Variants in TDRD15 observed in about 807,000 individuals in gnomAD.
TDRD15 encodes the protein tudor domain-containing protein 15.
For synonymous variants in TDRD15, 503 were observed against 314.5 expected (o/e 1.60, Z -6.34); for missense variants, 1,416 against 904.7 (o/e 1.57, Z -7.25).
At chr2:21,126,443 C>G (rs753383777) in intron 1 of TDRD15, among the ~76,000 whole-genome samples, 3 of 151,830 alleles carry the variant, frequency 2.0e-5, no homozygotes, top group Non-Finnish European at 4.4e-5. Flanking sequence ...CTCGTCTCGC[C>G]GCAATCTCTG....
chr2:21,135,581 AT>A (rs1249171891), intron 3 of TDRD15, among the ~76,000 whole-genome samples: 1 of 152,034 alleles, frequency 6.6e-6, no homozygotes, highest in Middle Eastern at 3.2e-3. Flanking sequence ...ACTATTAGCC[AT>A]TGCATATTAA....
rs1296861586 is a variant in TDRD15 at position 21,141,618 on chromosome 2, C to T, written c.4151C>T (p.Ala1384Val). The change falls in exon 4 of 4, where the codon GCA (alanine) becomes GTA (valine). Residue 1384 changes from alanine (A) to valine (V), a missense_variant. Transcript: ENST00000405799. ...EVEFIDYGNS[A>V]IVNTSKIYEL... Reference sequence around the variant, plus strand: ...GAATTTATTGACTATGGTAACTCTGCAATAGTAAACACATCTAAAATTTAC... The same window carrying T: ...GAATTTATTGACTATGGTAACTCTGTAATAGTAAACACATCTAAAATTTAC... 1 of 713,566 alleles carries T rather than the reference C, an allele frequency of 1.4e-6. No homozygotes were observed. The highest frequency in any genetic ancestry group is 1.5e-5 in the South Asian group (1 of 66,998). The allele number at this position is 713,566 out of a possible 1,614,324, so 44.2% of individuals were successfully genotyped here. A position where few individuals can be genotyped will look rare whatever the true frequency, so the allele number is the denominator to read the frequency against.
At chr2:21,146,864 C>T (rs1204799092), downstream of TDRD15, among the ~76,000 whole-genome samples, 1 of 152,054 alleles carries the variant, frequency 6.6e-6, no homozygotes, top group East Asian at 1.9e-4. Context: ...GACTCGCTTG[C>T]ATTGGATGGT....
In TDRD15 at chr2:21,141,653, A is replaced by G. The variant is rs1282281740; in HGVS notation, c.4186A>G (p.Arg1396Gly). The change falls in exon 4 of 4, where the codon AGG (arginine) becomes GGG (glycine). Residue 1396 changes from arginine (R) to glycine (G), a missense_variant. By Grantham distance (125) the Arg-to-Gly change is moderately radical. Coordinates refer to ENST00000405799, the MANE Select transcript of TDRD15 (RefSeq NM_001306137.2). ...VNTSKIYELQ[R>G]EFLTVPQLGI... ...CACATCTAAAATTTACGAACTTCAG[A>G]GGGAATTTTTAACTGTTCCTCAGCT... The G allele has an allele frequency of 5.6e-6, 4 of 715,036 alleles. No individual in the cohort carries two copies. The South Asian group carries it at 5.9e-5, about 11-fold the overall frequency. 44.3% of individuals were successfully genotyped at this position (715,036 alleles called of 1,614,324 possible).
rs755928526 is a variant in TDRD15 at position 21,141,545 on chromosome 2, T to C, written c.4078T>C (p.Tyr1360His). 10 of 714,998 alleles carry C rather than the reference T, an allele frequency of 1.4e-5. 1 individual carries two copies. In the South Asian group the frequency reaches 1.5e-4, roughly 11 times the overall value. 44.3% of individuals were successfully genotyped at this position (714,998 alleles called of 1,614,324 possible). A position where few individuals can be genotyped will look rare whatever the true frequency, so the allele number is the denominator to read the frequency against. Residue 1360 changes from tyrosine to histidine, a missense_variant, in exon 4 of 4, where the codon TAC (tyrosine) becomes CAC (histidine). Physicochemically the swap from Tyr to His is moderately conservative, Grantham distance 83. Coordinates refer to ENST00000405799, the MANE Select transcript of TDRD15 (RefSeq NM_001306137.2). ...VAEYSGDNAI[Y>H]RAVIKKILPG... ...AGAATATTCTGGTGACAATGCCATTTACAGGGCAGTTATTAAGAAAATTTT... is the reference window on the plus strand; with the variant it reads ...AGAATATTCTGGTGACAATGCCATTCACAGGGCAGTTATTAAGAAAATTTT...
At position 21,139,090 on chromosome 2, in the gene TDRD15, A is replaced by G. The variant is rs1241249633; in HGVS notation, c.1623A>G (p.Arg541=). The G allele has an allele frequency of 1.4e-6, 1 of 715,482 alleles. No individual in the cohort carries two copies. The allele number at this position is 715,482 out of a possible 1,614,324, so 44.3% of individuals were successfully genotyped here. The change falls in exon 4 of 4, where the codon AGA becomes AGG. Residue 541 remains arginine, a synonymous_variant. Coordinates refer to ENST00000405799, the MANE Select transcript of TDRD15 (RefSeq NM_001306137.2). ...KPEPGLFCCA[R]YSKDRRFYRA... is the part of the protein sequence containing the mutation. The stretch of plus-strand genomic sequence containing the variant: ...AACCTGGATTATTTTGTTGTGCTAG[A>G]TATAGCAAGGACAGACGTTTTTACA...
At chr2:21,146,135 A>G (rs574531124), downstream of TDRD15, among the ~76,000 whole-genome samples, 23 of 152,156 alleles carry the variant, frequency 1.5e-4, no homozygotes, top group African/African-American at 5.5e-4. Flanking sequence ...GTGAGAAAAA[A>G]TAATTTTAGG....
intron 1 of TDRD15, among the ~76,000 whole-genome samples, chr2:21,125,237 G>T (rs553833072): frequency 2.0e-5 from 3 of 150,684 alleles, no homozygotes; most frequent in Non-Finnish European, 4.4e-5. Flanking sequence ...AGATCCCAAT[G>T]CCAGGTTGTG....
chr2:21,137,371 T>C (rs1665827538), intron 3 of TDRD15, 94 bp from the exon 4 acceptor site: 1 of 515,968 alleles, frequency 1.9e-6, no homozygotes, highest in Non-Finnish European at 3.5e-6. Flanking sequence ...AATACAGGCA[T>C]ATAATTATTT....
downstream of TDRD15, among the ~76,000 whole-genome samples, chr2:21,146,566 A>G (rs1447985459): frequency 1.3e-5 from 2 of 152,006 alleles, no homozygotes; most frequent in African/African-American, 2.4e-5. Context: ...AGATTATGAG[A>G]ACTAGAGAAT....
rs141793590 is a variant in TDRD15, at chr2:21,136,700, T to G, written c.-3-765T>G. ...GGGATTATTTGTATTTCTTGAATAT[T>G]TGCCTTATTTTTAGAATCCTAAAAA... On this transcript the variant is annotated intron_variant, in intron 3 of 3. Coordinates refer to ENST00000405799, the MANE Select transcript of TDRD15 (RefSeq NM_001306137.2). Among the ~76,000 whole-genome samples the G allele has an allele frequency of 1.5e-3, 230 of 152,184 alleles. 1 individual carries two copies. Among genetic ancestry groups the G allele is most frequent in the Middle Eastern group, 0.01 (3 of 294 alleles).
In TDRD15 at chr2:21,142,151, A is replaced by G; in HGVS notation, c.4684A>G (p.Lys1562Glu). ...ATCAGATTTAATAGTATTAATTACG[A>G]AAGAAGAAAAAAAATCCCCTTTTTT... ...ILSDLIVLIT[K>E]EEKKSPFLSM... Residue 1562 changes from lysine to glutamate, a missense_variant, in exon 4 of 4, where the codon AAA becomes GAA. Physicochemically the swap from Lys to Glu is moderately conservative, Grantham distance 56 (BLOSUM62 1). Transcript: ENST00000405799. 3.0e-6 allele frequency: 2 copies of G among 671,414 alleles called. No individual in the cohort carries two copies. Among genetic ancestry groups the G allele is most frequent in the Non-Finnish European group, 5.4e-6 (2 of 372,320 alleles). 41.6% of individuals were successfully genotyped at this position (671,414 alleles called of 1,614,324 possible). A position where few individuals can be genotyped will look rare whatever the true frequency, so the allele number is the denominator to read the frequency against.
chr2:21,140,733 A>C lies in TDRD15; in HGVS notation c.3266A>C (p.Asp1089Ala). ...KCFLSDLRDV[D>A]IPAEISSWFK... ...TTTTTGTCAGATCTTAGGGATGTAG[A>C]TATTCCAGCAGAAATCAGTAGTTGG... Residue 1089 changes from aspartate (D) to alanine (A), a missense_variant, in exon 4 of 4, where the codon GAT (aspartate) becomes GCT (alanine). Transcript: ENST00000405799. 3 of 714,022 alleles carry C rather than the reference A, an allele frequency of 4.2e-6. No individual in the cohort carries two copies. Among genetic ancestry groups the C allele is most frequent in the Non-Finnish European group, 7.8e-6 (3 of 383,206 alleles). 44.2% of individuals were successfully genotyped at this position (714,022 alleles called of 1,614,324 possible).
intron 2 of TDRD15, among the ~76,000 whole-genome samples, chr2:21,129,726 T>C (rs1266562129): frequency 6.6e-6 from 1 of 152,250 alleles, no homozygotes. Context: ...ATCTGTTTTT[T>C]TTATCTTTTG....
At chr2:21,124,947 A>T (rs147028003) in intron 1 of TDRD15, among the ~76,000 whole-genome samples, 2,513 of 145,452 alleles carry the variant, frequency 0.017, 41 homozygotes, top group Admixed American at 0.045. Context: ...AGAGACCCTA[A>T]TGCCAGGGTG....
At chr2:21,128,702 A>G (rs1049179192) in intron 2 of TDRD15, among the ~76,000 whole-genome samples, 13 of 151,598 alleles carry the variant, frequency 8.6e-5, no homozygotes, top group African/African-American at 2.9e-4. Flanking sequence ...TTGGGTTTCT[A>G]TCTTTCTTAA....
At chr2:21,126,062 TGA>T (rs1360794151) in intron 1 of TDRD15, among the ~76,000 whole-genome samples, 5 of 152,136 alleles carry the variant, frequency 3.3e-5, no homozygotes, top group African/African-American at 1.2e-4. Context: ...GAAGTATATC[TGA>T]GATATAACAA....
intron 2 of TDRD15, among the ~76,000 whole-genome samples, chr2:21,129,990 G>T (rs191492706): frequency 1.3e-5 from 2 of 152,246 alleles, no homozygotes; most frequent in Non-Finnish European, 1.5e-5. Context: ...GCTAGTTCAA[G>T]TCCTTCCTCT....
intron 2 of TDRD15, among the ~76,000 whole-genome samples, chr2:21,128,696 G>C (rs1665649145): frequency 1.3e-5 from 2 of 151,374 alleles, no homozygotes; most frequent in South Asian, 4.2e-4. Flanking sequence ...TGGTTTTTGG[G>C]TTTCTATCTT....
Sources: gnomAD v4.1 joint callset for allele counts (sites outside exome capture counted in the v4.1 genomes callset) on GRCh38, gnomAD v4.1.1 for gene constraint, MANE v1.5 for transcripts, NCBI Gene and HGNC (gene_info 2026-07-23, HGNC 2026-07-21) for gene names.